The following MOGAT2 variants were observed in gnomAD, a reference collection of about 807,000 sequenced individuals.
MOGAT2 encodes the protein monoacylglycerol O-acyltransferase 2.
MOGAT2 carries 27 observed loss-of-function variants against 31.5 expected under a neutral mutation model. The observed-to-expected ratio is 0.86, with a 90% CI of 0.63 to 1.18. The LOEUF is 1.18. MOGAT2 is among the 50% of genes most tolerant of loss of function. The pLI is 0.00. For synonymous variants in MOGAT2, 163 were observed against 170.0 expected, an observed-to-expected ratio of 0.96 and a Z score of 0.32; for missense variants, 436 against 433.2, an observed-to-expected ratio of 1.01 and a Z score of -0.06.
chr11:75,728,080 C>A lies in MOGAT2; in HGVS notation c.586C>A (p.Pro196Thr), dbSNP rs531991103. Residue 196 changes from proline (P) to threonine (T), a missense_variant, in exon 4 of 6, where the codon CCT becomes ACT. By Grantham distance (38) the Pro-to-Thr change is conservative. Transcript: ENST00000198801. ...GGAQEALDAR[P>T]GSFTLLLRNR... ...TGCCCAGGAGGCCCTGGATGCCAGG[C>A]CTGGATCCTTCACGCTGTTACTGCG... 7.3e-5 allele frequency: 118 copies of A among 1,614,178 alleles called. No homozygotes were observed. Among genetic ancestry groups the A allele is most frequent in the Middle Eastern group, 3.3e-4 (2 of 6,062 alleles).
At chr11:75,718,790 G>A (rs764294256) in intron 1 of MOGAT2, among the ~76,000 whole-genome samples, 3 of 152,172 alleles carry the variant, frequency 2.0e-5, no homozygotes, top group Non-Finnish European at 2.9e-5. Context: ...TGGATCTGTG[G>A]CTTGGGAAGG....
chr11:75,731,252 A>G lies in MOGAT2; in HGVS notation c.971A>G (p.Asn324Ser). The change falls in exon 6 of 6, where the codon AAC becomes AGC. Residue 324 changes from asparagine to serine, a missense_variant. Coordinates refer to ENST00000198801, the MANE Select transcript of MOGAT2 (RefSeq NM_025098.4). ...TTCGAGGCCCACAAACTTAAGTTCA[A>G]CATCCCTGCTGACCAGCACTTGGAG... ...NLFEAHKLKF[N>S]IPADQHLEFC 1 of 1,614,192 alleles carries G rather than the reference A, an allele frequency of 6.2e-7. No homozygotes were observed. The highest frequency in any genetic ancestry group is 8.5e-7 in the Non-Finnish European group (1 of 1,180,038).
chr11:75,730,636 C>T (rs1381578287), intron 5 of MOGAT2, among the ~76,000 whole-genome samples: 1 of 152,144 alleles, frequency 6.6e-6, no homozygotes, highest in Non-Finnish European at 1.5e-5. Context: ...ACTGGCTGGG[C>T]GTGGTGGCTC....
At chr11:75,726,540 A>ATGG (rs1489580021) in intron 2 of MOGAT2, among the ~76,000 whole-genome samples, 1 of 152,194 alleles carries the variant, frequency 6.6e-6, no homozygotes, top group Non-Finnish European at 1.5e-5. Context: ...ATGACACCTA[A>ATGG]TACAATGGAA....
chr11:75,723,587 A>G (rs1944395945), intron 2 of MOGAT2, among the ~76,000 whole-genome samples: 1 of 151,960 alleles, frequency 6.6e-6, no homozygotes. Flanking sequence ...GCACCACCAC[A>G]ACTTTTAAAA....
chr11:75,719,673 C>T (rs1156969658), intron 1 of MOGAT2: 1 of 348,840 alleles, frequency 2.9e-6, no homozygotes, highest in East Asian at 4.9e-5. Context: ...TGAGTACAAA[C>T]AACTCTCCTG....
At chr11:75,731,074 A>C (rs1027184642) in intron 5 of MOGAT2, 58 bp from the exon 6 acceptor site, 1 of 1,515,796 alleles carries the variant, frequency 6.6e-7, no homozygotes, top group Non-Finnish European at 9.0e-7. Flanking sequence ...GGGGGTGGGC[A>C]CCTGCACCGA....
At position 75,727,522 on chromosome 11, in the gene MOGAT2, A is replaced by T; in HGVS notation, c.358A>T (p.Asn120Tyr). 6.2e-7 allele frequency: 1 copy of T among 1,614,134 alleles called. No homozygotes were observed. Among genetic ancestry groups the T allele is most frequent in the Non-Finnish European group, 8.5e-7 (1 of 1,180,012 alleles). The change falls in exon 3 of 6, where the codon AAC becomes TAC. Residue 120 changes from asparagine to tyrosine, a missense_variant. Coordinates refer to ENST00000198801, the MANE Select transcript of MOGAT2 (RefSeq NM_025098.4). The part of the protein sequence containing the change: ...HGVLAVGAFA[N>Y]LCTESTGFSS... ...AGTCCTGGCAGTCGGAGCCTTTGCC[A>T]ACCTGTGCACTGAGAGCACAGGCTT...
At chr11:75,729,419 C>T (rs12274915) in intron 5 of MOGAT2, among the ~76,000 whole-genome samples, 9,498 of 151,994 alleles carry the variant, frequency 0.062, 943 homozygotes, top group African/African-American at 0.21. Context: ...GGACTACAGT[C>T]GCTCGCCACA....
rs541678817 is a variant in MOGAT2, at chr11:75,729,505, C to T, written c.850+516C>T. 6.6e-4 allele frequency among the ~76,000 whole-genome samples: 101 copies of T among 152,142 alleles called. 1 individual carries two copies. The South Asian group carries it at 0.019, about 29-fold the overall frequency. Reference sequence around the variant, plus strand: ...GGCCAGGCTGTTCTCAAACTCCTGACCACAAGTGATCTGCCTGCCTTGGCC... The same window carrying T: ...GGCCAGGCTGTTCTCAAACTCCTGATCACAAGTGATCTGCCTGCCTTGGCC... On this transcript the variant is annotated intron_variant, in intron 5 of 5. Transcript: ENST00000198801.
intron 1 of MOGAT2, 42 bp from the exon 2 acceptor site, chr11:75,719,950 T>C (rs1167713696): frequency 2.5e-6 from 4 of 1,598,118 alleles, no homozygotes; most frequent in African/African-American, 2.7e-5. Context: ...CCTGCCTTCC[T>C]CTCAGACCCC....
At chr11:75,719,912 T>C in intron 1 of MOGAT2, 80 bp from the exon 2 acceptor site, 2 of 1,431,112 alleles carry the variant, frequency 1.4e-6, no homozygotes, top group South Asian at 1.2e-5. Flanking sequence ...GCCAGGCCTA[T>C]GGGCAGAGTT....
chr11:75,731,089 C>T, intron 5 of MOGAT2, 43 bp from the exon 6 acceptor site: 2 of 1,585,234 alleles, frequency 1.3e-6, no homozygotes, highest in South Asian at 1.1e-5. Flanking sequence ...CACCGAGGGT[C>T]CCTTGCCTAC....
chr11:75,722,089 G>T (rs1431936516), intron 2 of MOGAT2, among the ~76,000 whole-genome samples: 7 of 152,168 alleles, frequency 4.6e-5, no homozygotes, highest in Non-Finnish European at 4.4e-5. Context: ...GGTCTAGCCT[G>T]GGGGGCTCAG....
Position 75,720,119 on chromosome 11 carries a change from C to T in MOGAT2, c.219C>T (p.Ala73=), listed in dbSNP as rs1336693353. Residue 73 remains alanine (A), a synonymous_variant, in exon 2 of 6, where the codon GCC becomes GCT. Transcript: ENST00000198801. ...KPRQGGRHIQ[A]IRCWTIWKYM... The stretch of plus-strand genomic sequence containing the variant: ...GGCAGGGGGGCCGGCACATCCAGGC[C>T]ATCAGGTGCTGGACTATATGGAAGT... 6.2e-7 allele frequency: 1 copy of T among 1,613,968 alleles called. No individual in the cohort carries two copies. Among genetic ancestry groups the T allele is most frequent in the Non-Finnish European group, 8.5e-7 (1 of 1,180,032 alleles).
intron 2 of MOGAT2, among the ~76,000 whole-genome samples, chr11:75,724,674 T>G (rs1944405436): frequency 6.6e-6 from 1 of 151,648 alleles, no homozygotes; most frequent in South Asian, 2.1e-4. Context: ...AAAAAAAAAT[T>G]CAAAAACAGA....
chr11:75,726,699 T>TTTG (rs1944424743), intron 2 of MOGAT2, among the ~76,000 whole-genome samples: 1 of 132,346 alleles, frequency 7.6e-6, no homozygotes, highest in Non-Finnish European at 1.5e-5. Flanking sequence ...AACATTGATT[T>TTTG]TTTTTTTTTT....
intron 2 of MOGAT2, 72 bp from the exon 3 acceptor site, chr11:75,727,363 A>G (rs913933927): frequency 6.8e-7 from 1 of 1,465,400 alleles, no homozygotes; most frequent in African/African-American, 1.4e-5. Context: ...TCCCAAGGTC[A>G]CACCAGTGAG....
chr11:75,719,990 A>C lies in MOGAT2; in HGVS notation c.92-2A>C. 1.3e-6 allele frequency: 2 copies of C among 1,558,616 alleles called. No individual in the cohort carries two copies. Among genetic ancestry groups the C allele is most frequent in the African/African-American group, 3.3e-5 (2 of 60,232 alleles). On this transcript the variant is annotated splice_acceptor_variant, in intron 1 of 5. Coordinates refer to ENST00000198801, the MANE Select transcript of MOGAT2 (RefSeq NM_025098.4). LOFTEE classifies it high-confidence loss of function. ...CCTGACAGCTCCTTCTTCCCTCCCC[A>C]GCCGAGATCTGCACTGTGGGCTTCA...
Sources: allele counts gnomAD v4.1 joint callset (sites outside exome capture counted in the v4.1 genomes callset), GRCh38; gene constraint gnomAD v4.1.1; transcripts MANE v1.5; gene names NCBI Gene and HGNC (gene_info 2026-07-23, HGNC 2026-07-21).